The following MAGI1 variants were observed in gnomAD, a reference collection of about 807,000 sequenced individuals.
MAGI1 encodes membrane associated guanylate kinase, WW and PDZ domain containing 1.
In MAGI1, 58 loss-of-function variants were observed where a neutral mutation model predicts 139.9. The ratio of observed to expected loss-of-function variants is 0.41; its 90% CI spans 0.34 to 0.52. MAGI1 has a LOEUF of 0.52. Among genes scored for constraint, MAGI1 ranks in the 20% least tolerant of loss-of-function variants. The pLI, the probability that MAGI1 is intolerant of heterozygous loss-of-function variation, is 0.12. For missense variants in MAGI1, 1,874 were observed against 1,901.6 expected (o/e 0.99, Z 0.27); for synonymous variants, 812 against 737.9 (o/e 1.10, Z -1.63).
At chr3:65,614,259 C>A (rs1456486994) in intron 2 of MAGI1, among the ~76,000 whole-genome samples, 1 of 152,142 alleles carries the variant, frequency 6.6e-6, no homozygotes, top group Non-Finnish European at 1.5e-5. Context: ...GCTGGAAGGG[C>A]CTTTCCAGTG....
chr3:65,488,557 T>G (rs933548160), intron 3 of MAGI1, among the ~76,000 whole-genome samples: 5 of 152,116 alleles, frequency 3.3e-5, no homozygotes, highest in Admixed American at 2.0e-4. Context: ...GCCAGGCTTG[T>G]GTCGAATTCC....
At chr3:65,490,752 G>C (rs1375839321) in intron 3 of MAGI1, among the ~76,000 whole-genome samples, 1 of 146,340 alleles carries the variant, frequency 6.8e-6, no homozygotes, top group Non-Finnish European at 1.5e-5. Flanking sequence ...GCTGAGGCAG[G>C]AGAATCGCTT....
intron 1 of MAGI1, among the ~76,000 whole-genome samples, chr3:65,770,982 C>T (rs1004637131): frequency 1.9e-4 from 29 of 151,998 alleles, no homozygotes; most frequent in African/African-American, 6.8e-4. Context: ...CAAGCCACTA[C>T]GCCCAGCAAA....
chr3:65,517,750 G>A (rs1222307774), intron 2 of MAGI1, among the ~76,000 whole-genome samples: 3 of 151,962 alleles, frequency 2.0e-5, no homozygotes, highest in South Asian at 2.1e-4. Flanking sequence ...TCTGAGCCTC[G>A]AGACTCAAAC....
intron 1 of MAGI1, among the ~76,000 whole-genome samples, chr3:65,853,169 G>GA (rs71102885): frequency 9.6e-4 from 134 of 140,228 alleles, no homozygotes; most frequent in Admixed American, 1.1e-3. Flanking sequence ...TCCGTCTCAA[G>GA]AAAAAAAAAA....
chr3:65,468,343 G>A (rs1386646973), intron 5 of MAGI1, among the ~76,000 whole-genome samples: 9 of 147,278 alleles, frequency 6.1e-5, no homozygotes, highest in Non-Finnish European at 1.2e-4. Context: ...AACTCTTCCC[G>A]GGTAGATTCT....
At chr3:65,429,186 T>C (rs1455122217) in intron 12 of MAGI1, among the ~76,000 whole-genome samples, 1 of 152,094 alleles carries the variant, frequency 6.6e-6, no homozygotes, top group South Asian at 2.1e-4. Context: ...TGGACTCAAA[T>C]GCCTGGGCTC....
At chr3:65,712,370 C>A (rs2031572125) in intron 1 of MAGI1, among the ~76,000 whole-genome samples, 1 of 151,128 alleles carries the variant, frequency 6.6e-6, no homozygotes, top group African/African-American at 2.4e-5. Flanking sequence ...CCAGCAACAA[C>A]TGCCAGACAT....
chr3:65,923,862 G>C (rs926667000), intron 1 of MAGI1, among the ~76,000 whole-genome samples: 5 of 152,286 alleles, frequency 3.3e-5, no homozygotes, highest in Middle Eastern at 3.4e-3. Flanking sequence ...CCACAAAGAA[G>C]CAATTCCAAC....
At chr3:65,616,828 C>T (rs1010717054) in intron 2 of MAGI1, among the ~76,000 whole-genome samples, 1 of 152,208 alleles carries the variant, frequency 6.6e-6, no homozygotes. Context: ...TATTTTCCAA[C>T]ATCCAGTTCT....
chr3:65,553,393 A>C (rs2079941069), intron 2 of MAGI1, among the ~76,000 whole-genome samples: 2 of 152,176 alleles, frequency 1.3e-5, no homozygotes, highest in African/African-American at 4.8e-5. Context: ...ATTAAACAGA[A>C]TGAATTCAGT....
At position 65,430,074 on chromosome 3, in the gene MAGI1, A is replaced by G. The variant is rs1559547665; in HGVS notation, c.1613T>C (p.Ile538Thr). 6.2e-7 allele frequency: 1 copy of G among 1,613,808 alleles called. No homozygotes were observed. The highest frequency in any genetic ancestry group is 1.1e-5 in the South Asian group (1 of 91,082). The change falls in exon 12 of 23, where the codon ATC becomes ACC. Residue 538 changes from isoleucine (I) to threonine (T), a missense_variant. This residue lies in a region of MAGI1 where 86 missense variants were observed against 130.0 expected (regional missense o/e 0.66). Transcript: ENST00000402939. ...GGCACCAATGGGGATGGACTGGAAG[A>G]TCTTCACAACTTGAGCATGTGTGTG... ...LGHTHAQVVK[I>T]FQSIPIGASV... is the part of the protein sequence containing the mutation.
At chr3:65,895,841 C>T (rs1002743535) in intron 1 of MAGI1, among the ~76,000 whole-genome samples, 1 of 152,192 alleles carries the variant, frequency 6.6e-6, no homozygotes, top group African/African-American at 2.4e-5. Context: ...GGCATTAAAT[C>T]CAAAAGAATA....
chr3:65,424,623 T>C (rs988349727), intron 12 of MAGI1, among the ~76,000 whole-genome samples: 3 of 152,164 alleles, frequency 2.0e-5, no homozygotes, highest in Non-Finnish European at 4.4e-5. Flanking sequence ...GTCCCCTTTC[T>C]ATTCTCCTTG....
At chr3:65,552,259 GGT>G (rs10576104) in intron 2 of MAGI1, among the ~76,000 whole-genome samples, 15,879 of 147,744 alleles carry the variant, frequency 0.11, 1,649 homozygotes, top group African/African-American at 0.27. Context: ...TGTGTATAGG[GGT>G]GTGTGTGTGT....
rs549958645 is a variant in MAGI1, at chr3:65,645,413, G to A, written c.314-23325C>T. On this transcript the variant is annotated intron_variant, in intron 1 of 22. Transcript: ENST00000402939. Reference sequence around the variant, plus strand: ...ACATTTTTCAAGTCCTAGAAGAAACGAACTGTCAGCCCAGAATTCTACATC... The same window carrying A: ...ACATTTTTCAAGTCCTAGAAGAAACAAACTGTCAGCCCAGAATTCTACATC... 2.6e-5 allele frequency among the ~76,000 whole-genome samples: 4 copies of A among 152,190 alleles called. No individual in the cohort carries two copies. The East Asian group carries it at 5.8e-4, about 22-fold the overall frequency.
chr3:65,660,310 T>G (rs921368037), intron 1 of MAGI1, among the ~76,000 whole-genome samples: 1 of 152,240 alleles, frequency 6.6e-6, no homozygotes, highest in Non-Finnish European at 1.5e-5. Context: ...CTCTCTGAGT[T>G]TATAGTCAAA....
intron 1 of MAGI1, among the ~76,000 whole-genome samples, chr3:65,720,529 A>ATCT (rs1465740782): frequency 6.6e-6 from 1 of 152,128 alleles, no homozygotes; most frequent in East Asian, 1.9e-4. Flanking sequence ...GACTTAGCCC[A>ATCT]TCTTAGCCTG....
chr3:65,551,871 G>A (rs2079850249), intron 2 of MAGI1, among the ~76,000 whole-genome samples: 1 of 152,214 alleles, frequency 6.6e-6, no homozygotes, highest in African/African-American at 2.4e-5. Context: ...AGCAGACAAA[G>A]AGGAGCAATT....
Sources: gnomAD v4.1 joint callset for allele counts (sites outside exome capture counted in the v4.1 genomes callset) on GRCh38, gnomAD v4.1.1 for gene constraint, gnomAD v4.1.1 regional missense constraint, MANE v1.5 for transcripts, NCBI Gene and HGNC (gene_info 2026-07-23, HGNC 2026-07-21) for gene names.